The following TPCN1 variants were observed in gnomAD, a reference collection of about 807,000 sequenced individuals.
The protein encoded by TPCN1 is two pore segment channel 1.
Under a neutral mutation model 108.8 loss-of-function variants are expected in TPCN1, and 52 were observed. The ratio of observed to expected loss-of-function variants is 0.48; its 90% CI spans 0.38 to 0.60. The LOEUF (loss-of-function observed/expected upper bound fraction) is 0.60. Ranked by LOEUF, TPCN1 falls within the 20% of genes least tolerant of loss-of-function variation. The probability of loss-of-function intolerance (pLI) is 0.00; values close to 1 mark genes in which losing one functional copy is unlikely to be tolerated. For missense variants in TPCN1, 806 were observed against 1,072.8 expected (o/e 0.75, Z 3.47); for synonymous variants, 446 against 433.7 (o/e 1.03, Z -0.35).
chr12:113,261,062 G>A (rs1955012061), intron 3 of TPCN1, among the ~76,000 whole-genome samples: 1 of 151,874 alleles, frequency 6.6e-6, no homozygotes, highest in South Asian at 2.1e-4. Context: ...GGCGTTGGTG[G>A]GCGCCTGTAA....
chr12:113,236,201 GT>G (rs1953886245), intron 2 of TPCN1, among the ~76,000 whole-genome samples: 1 of 152,198 alleles, frequency 6.6e-6, no homozygotes, highest in South Asian at 2.1e-4. Context: ...CAGTGTGGAG[GT>G]GGCCCAGGGA....
Position 113,290,966 on chromosome 12 carries a change from C to T in TPCN1, c.1927C>T (p.Leu643Phe). Reference protein sequence around the residue: ...ILNSFVTLFELTVVNNWYIIM... With the variant: ...ILNSFVTLFEFTVVNNWYIIM... ...TCCCTCGGCAGTGACCCTGTTTGAG[C>T]TCACAGTTGTCAACAACTGGTACAT... Residue 643 changes from leucine (L) to phenylalanine (F), a missense_variant, in exon 23 of 28, where the codon CTC (leucine) becomes TTC (phenylalanine). Leu to Phe is a conservative substitution (Grantham distance 22). Transcript: ENST00000335509. 1 of 1,613,846 alleles carries T rather than the reference C, an allele frequency of 6.2e-7. No homozygotes were observed.
chr12:113,262,530 A>T (rs1955081471), intron 3 of TPCN1, among the ~76,000 whole-genome samples: 1 of 152,192 alleles, frequency 6.6e-6, no homozygotes, highest in Non-Finnish European at 1.5e-5. Flanking sequence ...TTTTGTTTCA[A>T]ATTAAGGCAA....
intron 2 of TPCN1, among the ~76,000 whole-genome samples, chr12:113,238,534 A>G (rs913670279): frequency 1.3e-5 from 2 of 152,210 alleles, no homozygotes; most frequent in East Asian, 3.9e-4. Context: ...ATCTCTTGCT[A>G]TCCACCTGCC....
chr12:113,239,813 T>A (rs983143313), intron 2 of TPCN1, among the ~76,000 whole-genome samples: 7 of 152,262 alleles, frequency 4.6e-5, no homozygotes, highest in African/African-American at 1.7e-4. Flanking sequence ...ATTTGTAGAC[T>A]GCCTGTCTCT....
intron 2 of TPCN1, among the ~76,000 whole-genome samples, chr12:113,236,574 G>A (rs1451925036): frequency 6.6e-6 from 1 of 151,420 alleles, no homozygotes; most frequent in Admixed American, 6.6e-5. Context: ...GATTGTCACT[G>A]CACTCCAGCC....
At chr12:113,290,866 A>C (rs1254958469) in intron 22 of TPCN1, 86 bp from the exon 23 acceptor site, 1 of 1,298,474 alleles carries the variant, frequency 7.7e-7, no homozygotes, top group Non-Finnish European at 1.1e-6. Flanking sequence ...AGCACATGGC[A>C]CCCAGGATAG....
chr12:113,230,690 G>A (rs574762288), intron 2 of TPCN1, among the ~76,000 whole-genome samples: 93 of 152,162 alleles, frequency 6.1e-4, no homozygotes, highest in African/African-American at 1.2e-3. Context: ...TCCTGACCTC[G>A]AGTGATCTAT....
chr12:113,266,317 C>G lies in TPCN1; in HGVS notation c.375C>G (p.Cys125Trp). Residue 125 changes from cysteine (C) to tryptophan (W), a missense_variant, in exon 4 of 28, where the codon TGC becomes TGG. Transcript: ENST00000335509. This position sits in a 1 kb window ranked among gnomAD's most constrained non-coding sequence, Gnocchi z 4.2. ...TALLLLLLSLCEAPAVPALRL... is the reference protein window; with the variant it reads ...TALLLLLLSLWEAPAVPALRL... Reference sequence around the variant, plus strand: ...TGCTGCTGCTGCTGCTCTCCCTGTGCGAGGCCCCCGCCGTCCCCGCACTCC... The same window carrying G: ...TGCTGCTGCTGCTGCTCTCCCTGTGGGAGGCCCCCGCCGTCCCCGCACTCC... The G allele has an allele frequency of 6.2e-7, 1 of 1,611,274 alleles. No homozygotes were observed. The highest frequency in any genetic ancestry group is 8.5e-7 in the Non-Finnish European group (1 of 1,180,010).
intron 1 of TPCN1, among the ~76,000 whole-genome samples, chr12:113,225,526 A>T (rs1953438093): frequency 6.6e-6 from 1 of 151,968 alleles, no homozygotes; most frequent in African/African-American, 2.4e-5. Flanking sequence ...TTATACTGTA[A>T]TAATGCTTTT....
In TPCN1 at chr12:113,297,532, C is replaced by G. The variant is rs1047716938; in HGVS notation, c.*1456C>G. 2.6e-5 allele frequency: 4 copies of G among 152,700 alleles called. No homozygotes were observed. Among genetic ancestry groups the G allele is most frequent in the Non-Finnish European group, 5.9e-5 (4 of 68,106 alleles). The allele number at this position is 152,700 out of a possible 1,614,324, so 9.5% of individuals were successfully genotyped here. On this transcript the variant is annotated 3_prime_UTR_variant, in exon 28 of 28. Transcript: ENST00000335509. This position sits in a 1 kb window ranked among gnomAD's most constrained non-coding sequence, Gnocchi z 4.4. ...CCCAGGGGAGCAGTACCTGGTCCCC[C>G]ACCCCCTCCTCCCAACCACCTCCAA...
intron 15 of TPCN1, among the ~76,000 whole-genome samples, chr12:113,281,720 G>A (rs1344231751): frequency 6.7e-6 from 1 of 150,340 alleles, no homozygotes; most frequent in Admixed American, 6.6e-5. Context: ...TTAATTTTTT[G>A]TAGAGACGGG....
intron 7 of TPCN1, among the ~76,000 whole-genome samples, chr12:113,271,056 G>A (rs1415015949): frequency 1.3e-5 from 2 of 152,034 alleles, no homozygotes; most frequent in South Asian, 2.1e-4. Flanking sequence ...CCAGGAGGTC[G>A]AGACCAGCCT....
chr12:113,273,461 G>A lies in TPCN1; in HGVS notation c.843-108G>A. 7.9e-7 allele frequency: 1 copy of A among 1,262,498 alleles called. No individual in the cohort carries two copies. The highest frequency in any genetic ancestry group is 1.2e-6 in the Non-Finnish European group (1 of 862,450). 78.2% of individuals were successfully genotyped at this position (1,262,498 alleles called of 1,614,324 possible). A position where few individuals can be genotyped will look rare whatever the true frequency, so the allele number is the denominator to read the frequency against. On this transcript the variant is annotated intron_variant, in intron 9 of 27. Transcript: ENST00000335509. This position sits in a 1 kb window ranked among gnomAD's most constrained non-coding sequence, Gnocchi z 4.0. ...CCAGGGATGAGAGTAGGGGAACCAGGGTTGGAGGCTGGGAAGGCAGACAAG... is the reference window on the plus strand; with the variant it reads ...CCAGGGATGAGAGTAGGGGAACCAGAGTTGGAGGCTGGGAAGGCAGACAAG...
Position 113,288,818 on chromosome 12 carries a change from C to T in TPCN1, c.1767C>T (p.Phe589=). The T allele has an allele frequency of 1.2e-6, 2 of 1,613,678 alleles. No individual in the cohort carries two copies. Among genetic ancestry groups the T allele is most frequent in the Non-Finnish European group, 1.7e-6 (2 of 1,180,034 alleles). Residue 589 remains phenylalanine (F), a synonymous_variant, in exon 21 of 28, where the codon TTC becomes TTT. Coordinates refer to ENST00000335509, the MANE Select transcript of TPCN1 (RefSeq NM_017901.6). The surrounding 1 kb of genome is among the most constrained non-coding windows in gnomAD (Gnocchi z 4.8). ...TCGCCATCGTGGGCATGGAGTTCTT[C>T]TGCGGGATCGTCTTCCCCAACTGCT... ...YSFAIVGMEF[F]CGIVFPNCCN...
chr12:113,260,093 T>C (rs540285101), intron 2 of TPCN1, among the ~76,000 whole-genome samples: 1 of 152,364 alleles, frequency 6.6e-6, no homozygotes, highest in South Asian at 2.1e-4. Context: ...GATGTATTTA[T>C]GTTTTCTTGT....
chr12:113,279,391 ATTTTT>A (rs60898872), intron 14 of TPCN1, among the ~76,000 whole-genome samples: 1 of 10,484 alleles, frequency 9.5e-5, no homozygotes, highest in Non-Finnish European at 1.4e-4. Flanking sequence ...ATATATATAT[ATTTTT>A]TTTTTTTTTT....
chr12:113,279,892 G>C (rs939044033), intron 14 of TPCN1, among the ~76,000 whole-genome samples: 3 of 152,102 alleles, frequency 2.0e-5, no homozygotes, highest in African/African-American at 7.2e-5. Context: ...CTCTATCTTG[G>C]TTCCAGGTTG....
rs1236048737 is a variant in TPCN1, at chr12:113,267,844, T to A, written c.416T>A (p.Val139Asp). 15 of 1,612,308 alleles carry A rather than the reference T, an allele frequency of 9.3e-6. No homozygotes were observed. The highest frequency in any genetic ancestry group is 1.3e-5 in the African/African-American group (1 of 74,894). ...AVPALRLGIYVHATLELFALM... is the reference protein window; with the variant it reads ...AVPALRLGIYDHATLELFALM... The stretch of plus-strand genomic sequence containing the variant: ...CATCTCCACACCCTCTGGTCTCAGG[T>A]CCACGCCACCCTGGAGCTGTTTGCC... Residue 139 changes from valine to aspartate, a missense_variant and splice_region_variant, in exon 5 of 28, where the codon GTC (valine) becomes GAC (aspartate). Coordinates refer to ENST00000335509, the MANE Select transcript of TPCN1 (RefSeq NM_017901.6).
Sources: allele counts gnomAD v4.1 joint callset (sites outside exome capture counted in the v4.1 genomes callset), GRCh38; gene constraint gnomAD v4.1.1; non-coding constraint Gnocchi (gnomAD v3.1); transcripts MANE v1.5; gene names NCBI Gene and HGNC (gene_info 2026-07-23, HGNC 2026-07-21).